Variants in S100Z observed in about 807,000 individuals in gnomAD.
S100Z encodes the protein protein S100-Z.
S100Z carries 11 observed loss-of-function variants against 8.5 expected under a neutral mutation model. The ratio of observed to expected loss-of-function variants is 1.30; its 90% CI spans 0.82 to 2.15. The LOEUF is 2.15. Ranked by LOEUF, S100Z falls within the 30% of genes most tolerant of loss-of-function variation. The pLI, the probability that S100Z is intolerant of heterozygous loss-of-function variation, is 0.00. For synonymous variants in S100Z, 34 were observed against 43.8 expected (o/e 0.78, Z 0.89); for missense variants, 126 against 117.9 (o/e 1.07, Z -0.32).
At position 76,856,825 on chromosome 5, in the gene S100Z, T is replaced by C. The variant is rs116237078; in HGVS notation, c.-176+6670T>C. ...AGGATTGGGGAAGTAGAGTTGAAAA[T>C]TGAAATAATTTAATTTATAGGTAAA... On this transcript the variant is annotated intron_variant, in intron 1 of 4. Coordinates refer to ENST00000317593, the MANE Select transcript of S100Z (RefSeq NM_130772.4). Among the ~76,000 whole-genome samples, 395 of 152,176 alleles carry C rather than the reference T, an allele frequency of 2.6e-3. 1 individual carries two copies. The highest frequency in any genetic ancestry group is 8.9e-3 in the African/African-American group (369 of 41,524).
At chr5:76,903,711 C>A (rs761180864) in intron 4 of S100Z, among the ~76,000 whole-genome samples, 2 of 149,032 alleles carry the variant, frequency 1.3e-5, no homozygotes, top group Non-Finnish European at 3.0e-5. Flanking sequence ...TATTTGACAT[C>A]TTTGTTTTCT....
intron 3 of S100Z, among the ~76,000 whole-genome samples, chr5:76,876,350 C>T (rs962938846): frequency 6.6e-6 from 1 of 151,298 alleles, no homozygotes; most frequent in Non-Finnish European, 1.5e-5. Context: ...TTCTTTTCCT[C>T]TCATTCCGTT....
intron 1 of S100Z, among the ~76,000 whole-genome samples, chr5:76,869,942 G>C (rs1742948017): frequency 6.6e-6 from 1 of 151,862 alleles, no homozygotes; most frequent in African/African-American, 2.4e-5. Flanking sequence ...AGAATTGCTT[G>C]AACCCAGGAG....
intron 4 of S100Z, among the ~76,000 whole-genome samples, chr5:76,889,803 G>A (rs1743795740): frequency 6.6e-6 from 1 of 152,214 alleles, no homozygotes; most frequent in Non-Finnish European, 1.5e-5. Flanking sequence ...CGGGGGCACT[G>A]GCCTTTGCAT....
intron 4 of S100Z, among the ~76,000 whole-genome samples, chr5:76,880,435 T>C (rs1743366022): frequency 6.6e-6 from 1 of 152,114 alleles, no homozygotes; most frequent in African/African-American, 2.4e-5. Context: ...ATGGGTGATG[T>C]TTCTCAGGGC....
intron 1 of S100Z, among the ~76,000 whole-genome samples, chr5:76,866,310 T>C (rs1162795452): frequency 6.6e-6 from 1 of 152,078 alleles, no homozygotes; most frequent in Admixed American, 6.5e-5. Context: ...GTCTCGAAAT[T>C]CTGGGCTCAA....
intron 4 of S100Z, among the ~76,000 whole-genome samples, chr5:76,898,159 T>TTC (rs1226736837): frequency 6.6e-6 from 1 of 151,488 alleles, no homozygotes; most frequent in Non-Finnish European, 1.5e-5. Context: ...TATATTCTTT[T>TTC]TTTTTTTTGA....
Position 76,863,714 on chromosome 5 carries a change from A to G in S100Z, c.-175-6452A>G, listed in dbSNP as rs1277658931. 2.6e-5 allele frequency among the ~76,000 whole-genome samples: 4 copies of G among 151,592 alleles called. No individual in the cohort carries two copies. In the East Asian group the frequency reaches 5.8e-4, roughly 22 times the overall value. On this transcript the variant is annotated intron_variant, in intron 1 of 4. Transcript: ENST00000317593. ...CCACCACACCCAGCTAATTTTTTGT[A>G]TTTTTAGTAGAGACGGGGTTTCACC...
the S100Z span, among the ~76,000 whole-genome samples, chr5:76,937,619 G>T: frequency 6.6e-5 from 10 of 151,708 alleles, no homozygotes; most frequent in African/African-American, 2.4e-4. Context: ...TGGATGTGGT[G>T]GCACACATCT....
At chr5:76,933,411 A>G in the S100Z span, among the ~76,000 whole-genome samples, 2 of 152,146 alleles carry the variant, frequency 1.3e-5, no homozygotes, top group Non-Finnish European at 2.9e-5. Flanking sequence ...TGGAGGAATC[A>G]CCTCAAACAG....
intron 2 of S100Z, among the ~76,000 whole-genome samples, chr5:76,873,019 T>C (rs947265460): frequency 1.6e-4 from 25 of 152,166 alleles, no homozygotes; most frequent in African/African-American, 4.8e-4. Context: ...TGTATAGAGT[T>C]TGTTTTTTCC....
At chr5:76,945,601 G>T in the S100Z span, among the ~76,000 whole-genome samples, 25 of 152,238 alleles carry the variant, frequency 1.6e-4, no homozygotes, top group Non-Finnish European at 2.5e-4. Context: ...TGTTTGGGTG[G>T]AGAGAAGCAT....
intron 4 of S100Z, among the ~76,000 whole-genome samples, chr5:76,891,668 C>T (rs1181862036): frequency 2.0e-5 from 3 of 152,114 alleles, no homozygotes; most frequent in Non-Finnish European, 2.9e-5. Flanking sequence ...ATGGAGGAGT[C>T]GTTTGGAAAC....
chr5:76,914,382 C>CAATCAGCACTCTGTAAAAACGGACA (rs1160061276), intron 4 of S100Z, among the ~76,000 whole-genome samples: 8 of 149,170 alleles, frequency 5.4e-5, no homozygotes, highest in African/African-American at 2.0e-4. Flanking sequence ...GTAAACACAC[C>CAATCAGCACTCTGTAAAAACGGACA]AATCAGCACT....
At chr5:76,910,375 T>C (rs1258370455) in intron 4 of S100Z, among the ~76,000 whole-genome samples, 2 of 151,876 alleles carry the variant, frequency 1.3e-5, no homozygotes, top group Admixed American at 6.6e-5. Context: ...TGTTCTATAA[T>C]AGGGACCAAG....
intron 4 of S100Z, among the ~76,000 whole-genome samples, chr5:76,881,847 G>C (rs1743411027): frequency 6.6e-6 from 1 of 152,230 alleles, no homozygotes; most frequent in East Asian, 1.9e-4. Context: ...ATTGCCCTGA[G>C]TGATGGCATC....
At chr5:76,895,575 T>C (rs1019616206) in intron 4 of S100Z, among the ~76,000 whole-genome samples, 1 of 152,014 alleles carries the variant, frequency 6.6e-6, no homozygotes, top group African/African-American at 2.4e-5. Flanking sequence ...TGTGGGTATA[T>C]AGTAGGTGTA....
intron 4 of S100Z, among the ~76,000 whole-genome samples, chr5:76,910,866 A>C (rs1744628645): frequency 6.6e-6 from 1 of 152,248 alleles, no homozygotes; most frequent in Non-Finnish European, 1.5e-5. Flanking sequence ...ATCCTGGGAC[A>C]GCCTGTAACC....
chr5:76,892,423 G>A (rs2150662226), intron 4 of S100Z, among the ~76,000 whole-genome samples: 1 of 152,172 alleles, frequency 6.6e-6, no homozygotes, highest in South Asian at 2.1e-4. Flanking sequence ...CTTTTCAAGG[G>A]GAACTCATTA....
Sources: gnomAD v4.1 joint callset for allele counts (sites outside exome capture counted in the v4.1 genomes callset) on GRCh38, gnomAD v4.1.1 for gene constraint, MANE v1.5 for transcripts, NCBI Gene and HGNC (gene_info 2026-07-23, HGNC 2026-07-21) for gene names.